Variants in CNTN1 observed in about 807,000 individuals in gnomAD.
CNTN1 encodes the protein contactin 1.
In CNTN1, 38 loss-of-function variants were observed where a neutral mutation model predicts 126.4. The ratio of observed to expected loss-of-function variants is 0.30; its 90% CI spans 0.23 to 0.39. The LOEUF (loss-of-function observed/expected upper bound fraction) is 0.39, where lower values mean the gene tolerates loss of function less well. Ranked by LOEUF, CNTN1 falls within the 10% of genes least tolerant of loss-of-function variation. The pLI, the probability that CNTN1 is intolerant of heterozygous loss-of-function variation, is 1.00. For missense variants in CNTN1, 1,009 were observed against 1,248.4 expected, an observed-to-expected ratio of 0.81 and a Z score of 2.89; for synonymous variants, 413 against 422.6, an observed-to-expected ratio of 0.98 and a Z score of 0.28.
At chr12:40,712,658 G>A (rs1259176932) in intron 1 of CNTN1, among the ~76,000 whole-genome samples, 1 of 152,046 alleles carries the variant, frequency 6.6e-6, no homozygotes, top group Non-Finnish European at 1.5e-5. Context: ...AAAAATAAAT[G>A]CCTGTTGTAA....
intron 14 of CNTN1, among the ~76,000 whole-genome samples, chr12:40,948,286 C>T (rs1592303992): frequency 1.1e-5 from 1 of 95,030 alleles, no homozygotes; most frequent in African/African-American, 4.3e-5. Context: ...TTTTTTGAGC[C>T]ACAGATCTCA....
intron 15 of CNTN1, among the ~76,000 whole-genome samples, chr12:40,974,615 A>T (rs1328596277): frequency 6.6e-6 from 1 of 152,144 alleles, no homozygotes; most frequent in Non-Finnish European, 1.5e-5. Flanking sequence ...ATGCTGTTTT[A>T]AAAATATTGT....
rs561694238 is a variant in CNTN1 at position 40,720,003 on chromosome 12, A to ATT, written c.-77+27431_-77+27432dup. ...CAGGCGCATGCACCACGCCCGGTTA[A>ATT]TTTTTTTTTTTTTTTTTTTTTGTAT... is the stretch of plus-strand genomic sequence containing the variant. On this transcript the variant is annotated intron_variant, in intron 1 of 23. Coordinates refer to ENST00000551295, the MANE Select transcript of CNTN1 (RefSeq NM_001843.4). Among the ~76,000 whole-genome samples the ATT allele has an allele frequency of 1.9e-3, 246 of 127,214 alleles. 5 individuals carry two copies. Among genetic ancestry groups the ATT allele is most frequent in the South Asian group, 0.016 (61 of 3,934 alleles). The allele number at this position is 127,214 out of a possible 152,430, so 83.5% of individuals were successfully genotyped here. A position where few individuals can be genotyped will look rare whatever the true frequency, so the allele number is the denominator to read the frequency against.
intron 1 of CNTN1, among the ~76,000 whole-genome samples, chr12:40,813,964 CAT>C (rs1239065691): frequency 6.6e-6 from 1 of 152,002 alleles, no homozygotes; most frequent in East Asian, 1.9e-4. Context: ...AGCTTTTTTT[CAT>C]ATGTTTGTTG....
intron 3 of CNTN1, among the ~76,000 whole-genome samples, chr12:40,915,372 G>A (rs1020070232): frequency 2.6e-5 from 4 of 152,046 alleles, no homozygotes; most frequent in Non-Finnish European, 4.4e-5. Context: ...AATTCTGGAC[G>A]ATGACCCTCC....
In CNTN1 at chr12:40,756,175, C is replaced by T. The variant is rs142305727; in HGVS notation, c.-77+63583C>T. Among the ~76,000 whole-genome samples the T allele has an allele frequency of 2.0e-3, 305 of 151,838 alleles. 1 individual carries two copies. Among genetic ancestry groups the T allele is most frequent in the African/African-American group, 6.3e-3 (259 of 41,402 alleles). On this transcript the variant is annotated intron_variant, in intron 1 of 23. Transcript: ENST00000551295. ...TTGTAATGTGTCATGAAATTTAAGC[C>T]AAATAAGGAAAATAGTAAGAGCATG... is the stretch of plus-strand genomic sequence containing the variant.
intron 1 of CNTN1, among the ~76,000 whole-genome samples, chr12:40,738,554 T>C (rs1937799508): frequency 2.6e-5 from 4 of 152,038 alleles, no homozygotes; most frequent in Middle Eastern, 3.4e-3. Flanking sequence ...AGTCAAGCCA[T>C]AAACTAGCGA....
At chr12:40,945,465 A>G (rs959621149) in intron 14 of CNTN1, among the ~76,000 whole-genome samples, 1 of 152,080 alleles carries the variant, frequency 6.6e-6, no homozygotes, top group Non-Finnish European at 1.5e-5. Context: ...GGTGTTATAA[A>G]TTGAATAATT....
At chr12:40,852,417 T>C (rs1339691446) in intron 1 of CNTN1, among the ~76,000 whole-genome samples, 1 of 152,170 alleles carries the variant, frequency 6.6e-6, no homozygotes, top group African/African-American at 2.4e-5. Flanking sequence ...ACCAGTGCTC[T>C]TTCAGGTACC....
At chr12:40,850,961 AC>A (rs1447140796) in intron 1 of CNTN1, among the ~76,000 whole-genome samples, 2 of 152,156 alleles carry the variant, frequency 1.3e-5, no homozygotes, top group African/African-American at 4.8e-5. Flanking sequence ...TTGGCACGAA[AC>A]GATTTATTTC....
chr12:40,716,889 A>G (rs2121195254), intron 1 of CNTN1, among the ~76,000 whole-genome samples: 2 of 152,320 alleles, frequency 1.3e-5, no homozygotes, highest in South Asian at 4.1e-4. Context: ...GCTCCCATGT[A>G]TATTAACAAC....
chr12:40,733,803 T>A (rs747062488), intron 1 of CNTN1, among the ~76,000 whole-genome samples: 3 of 152,094 alleles, frequency 2.0e-5, no homozygotes, highest in Non-Finnish European at 4.4e-5. Flanking sequence ...AAGAGTACAG[T>A]CTTCAATTGA....
chr12:40,867,161 C>T (rs202038033), intron 1 of CNTN1, among the ~76,000 whole-genome samples: 14 of 152,106 alleles, frequency 9.2e-5, no homozygotes, highest in African/African-American at 1.4e-4. Context: ...GGAGTTCAAT[C>T]GTAAATCACT....
chr12:41,067,622 T>TG (rs1490410527), intron 23 of CNTN1, among the ~76,000 whole-genome samples: 6 of 25,326 alleles, frequency 2.4e-4, no homozygotes, highest in African/African-American at 8.0e-4. Context: ...TGTGGTGGGG[T>TG]GGGGGAGGGG....
intron 1 of CNTN1, among the ~76,000 whole-genome samples, chr12:40,697,620 C>T (rs1220742710): frequency 6.6e-6 from 1 of 152,154 alleles, no homozygotes; most frequent in African/African-American, 2.4e-5. Context: ...TACCACTTAA[C>T]GGAGAATTGA....
At position 40,943,979 on chromosome 12, in the gene CNTN1, A is replaced by C; in HGVS notation, c.1508-16A>C. 2.5e-6 allele frequency: 4 copies of C among 1,611,010 alleles called. No individual in the cohort carries two copies. The highest frequency in any genetic ancestry group is 1.3e-5 in the African/African-American group (1 of 74,964). The stretch of plus-strand genomic sequence containing the variant: ...TATATCTTCTTGAATTGTGCTTTAC[A>C]TTTAAAAATATATAGATCCTACGCG... On this transcript the variant is annotated splice_polypyrimidine_tract_variant and intron_variant, in intron 13 of 23. Transcript: ENST00000551295.
chr12:40,813,099 TTC>T (rs1302637127), intron 1 of CNTN1, among the ~76,000 whole-genome samples: 2 of 130,324 alleles, frequency 1.5e-5, no homozygotes, highest in Non-Finnish European at 3.4e-5. Context: ...TTCTTTCTCT[TTC>T]TTTTTTTCTT....
intron 1 of CNTN1, among the ~76,000 whole-genome samples, chr12:40,755,326 T>C (rs1938565243): frequency 6.6e-6 from 1 of 151,894 alleles, no homozygotes; most frequent in Non-Finnish European, 1.5e-5. Flanking sequence ...ATTTATTTAT[T>C]CTTCCAAAGA....
intron 9 of CNTN1, among the ~76,000 whole-genome samples, chr12:40,934,912 C>T (rs967925812): frequency 3.3e-5 from 5 of 152,014 alleles, no homozygotes; most frequent in African/African-American, 1.2e-4. Flanking sequence ...TCCCTCCCTT[C>T]TTCATGATTC....
Sources: allele counts gnomAD v4.1 joint callset (sites outside exome capture counted in the v4.1 genomes callset), GRCh38; gene constraint gnomAD v4.1.1; transcripts MANE v1.5; gene names NCBI Gene and HGNC (gene_info 2026-07-23, HGNC 2026-07-21).